Variants in ZFHX3 observed in about 807,000 individuals in gnomAD.
ZFHX3 encodes zinc finger homeobox protein 3.
Under a neutral mutation model 279.1 loss-of-function variants are expected in ZFHX3, and 42 were observed. That is an observed-to-expected ratio of 0.15 (90% CI 0.12 to 0.19). The LOEUF (loss-of-function observed/expected upper bound fraction) is 0.19. Ranked by LOEUF, ZFHX3 falls within the 10% of genes least tolerant of loss-of-function variation. The probability of loss-of-function intolerance (pLI) is 1.00; values close to 1 mark genes in which losing one functional copy is unlikely to be tolerated. For missense variants in ZFHX3, 4,981 were observed against 4,754.0 expected (o/e 1.05, Z -1.40); for synonymous variants, 2,293 against 1,957.8 (o/e 1.17, Z -4.52).
intron 3 of ZFHX3, among the ~76,000 whole-genome samples, chr16:72,923,759 C>G (rs992517343): frequency 2.0e-5 from 3 of 151,928 alleles, no homozygotes; most frequent in Non-Finnish European, 4.4e-5. Flanking sequence ...GAAGTGGGAG[C>G]TAATGAAAAA....
At chr16:72,917,669 G>GA (rs2039475304) in intron 3 of ZFHX3, among the ~76,000 whole-genome samples, 1 of 152,098 alleles carries the variant, frequency 6.6e-6, no homozygotes, top group Non-Finnish European at 1.5e-5. Context: ...TCAATTCTAC[G>GA]AAATAATAAT....
At chr16:73,088,352 C>T (rs138010058) in intron 8 of ZFHX3, among the ~76,000 whole-genome samples, 7,272 of 151,830 alleles carry the variant, frequency 0.048, 571 homozygotes, top group African/African-American at 0.16. Flanking sequence ...GGGGTTTCAC[C>T]GTGTTACCCC....
intron 2 of ZFHX3, among the ~76,000 whole-genome samples, chr16:73,661,923 T>G (rs1219262192): frequency 1.3e-5 from 2 of 152,006 alleles, no homozygotes; most frequent in Non-Finnish European, 2.9e-5. Context: ...GAAACTCAAA[T>G]CTGATTTTTT....
chr16:73,242,560 G>A (rs1241093334), intron 5 of ZFHX3, among the ~76,000 whole-genome samples: 3 of 152,144 alleles, frequency 2.0e-5, no homozygotes, highest in Non-Finnish European at 2.9e-5. Context: ...AAAGCAAAAC[G>A]GATCACAGAA....
intron 3 of ZFHX3, among the ~76,000 whole-genome samples, chr16:73,373,057 C>G (rs1329776867): frequency 6.6e-6 from 1 of 152,040 alleles, no homozygotes; most frequent in Admixed American, 6.6e-5. Flanking sequence ...GCCACTGGTC[C>G]TGAGGCTTCT....
chr16:72,844,910 A>G (rs557568408), intron 4 of ZFHX3, among the ~76,000 whole-genome samples: 1 of 152,136 alleles, frequency 6.6e-6, no homozygotes, highest in East Asian at 1.9e-4. Flanking sequence ...TGCTATTTCA[A>G]TTAAGTCCTG....
Position 73,297,014 on chromosome 16 carries a change from A to T in ZFHX3, c.-1194+21226T>A, listed in dbSNP as rs151172146. ...TGCCTCAGCCTCCCTAGTAGCTGGG[A>T]CTACAGGCGCCCACCACCCTGCCCG... is the stretch of plus-strand genomic sequence containing the variant. On this transcript the variant is annotated intron_variant, in intron 4 of 17. Transcript: ENST00000641206. 9.8e-3 allele frequency among the ~76,000 whole-genome samples: 1,487 copies of T among 151,220 alleles called. 16 individuals are homozygous for T. The highest frequency in any genetic ancestry group is 0.014 in the Non-Finnish European group (963 of 67,912).
At chr16:73,775,941 T>A (rs1048586194) in intron 1 of ZFHX3, among the ~76,000 whole-genome samples, 12 of 152,152 alleles carry the variant, frequency 7.9e-5, no homozygotes, top group Admixed American at 5.2e-4. Flanking sequence ...AGCAGCCTAG[T>A]GTGGAAAATA....
intron 1 of ZFHX3, among the ~76,000 whole-genome samples, chr16:73,810,454 T>A (rs962027290): frequency 6.6e-6 from 1 of 152,238 alleles, no homozygotes; most frequent in Non-Finnish European, 1.5e-5. Flanking sequence ...TTAAATCTAA[T>A]GATTTATTTT....
At chr16:73,724,489 G>A (rs566187318) in intron 1 of ZFHX3, among the ~76,000 whole-genome samples, 23 of 152,312 alleles carry the variant, frequency 1.5e-4, no homozygotes, top group Admixed American at 3.9e-4. Flanking sequence ...GGTGAGACTT[G>A]GGGTGCCTAG....
rs572082988 is a variant in ZFHX3 at position 73,468,685 on chromosome 16, C to T, written c.-1546-12427G>A. 6.6e-5 allele frequency among the ~76,000 whole-genome samples: 10 copies of T among 152,064 alleles called. No individual in the cohort carries two copies. In the East Asian group the frequency reaches 1.5e-3, roughly 24 times the overall value. Reference sequence around the variant, plus strand: ...CCTGGAGGCAGACATTGCAGTGAGCCGAGATTGCACCACTGCACAAAGAAA... The same window carrying T: ...CCTGGAGGCAGACATTGCAGTGAGCTGAGATTGCACCACTGCACAAAGAAA... On this transcript the variant is annotated intron_variant, in intron 2 of 17. Coordinates refer to the ZFHX3 transcript ENST00000641206.
At chr16:72,898,482 CT>C (rs1165121025) in intron 3 of ZFHX3, among the ~76,000 whole-genome samples, 1 of 152,146 alleles carries the variant, frequency 6.6e-6, no homozygotes, top group Non-Finnish European at 1.5e-5. Flanking sequence ...CATTAGTGGC[CT>C]TGAGAAAAAC....
rs550535091 is a variant in ZFHX3 at position 73,191,197 on chromosome 16, A to G, written c.-1103-47366T>C. ...TAAAAATCTGAAAATGAAACAAGAC[A>G]TATTTCTGAGGTTGTCAGCAGGTAG... On this transcript the variant is annotated intron_variant, in intron 5 of 17. Coordinates refer to the ZFHX3 transcript ENST00000641206. 4.5e-4 allele frequency among the ~76,000 whole-genome samples: 69 copies of G among 152,196 alleles called. 1 individual carries two copies. The highest frequency in any genetic ancestry group is 1.6e-3 in the African/African-American group (68 of 41,524).
chr16:73,203,708 T>C (rs886666860), intron 5 of ZFHX3, among the ~76,000 whole-genome samples: 4 of 152,228 alleles, frequency 2.6e-5, no homozygotes, highest in African/African-American at 9.6e-5. Flanking sequence ...ATGCTCATAG[T>C]AATAATACTA....
At chr16:73,359,909 T>C (rs1462012864) in intron 3 of ZFHX3, among the ~76,000 whole-genome samples, 1 of 152,168 alleles carries the variant, frequency 6.6e-6, no homozygotes, top group Non-Finnish European at 1.5e-5. Context: ...GATGGGATTT[T>C]TTTTTTAAAT....
chr16:72,880,121 G>A (rs2038424452), intron 4 of ZFHX3, among the ~76,000 whole-genome samples: 2 of 152,288 alleles, frequency 1.3e-5, no homozygotes, highest in South Asian at 4.1e-4. Context: ...AAGGCCTGGT[G>A]GGCGCTGACA....
At chr16:72,812,101 T>C (rs1176704770) in intron 5 of ZFHX3, 63 bp from the exon 6 acceptor site, 4 of 1,560,520 alleles carry the variant, frequency 2.6e-6, no homozygotes, top group Admixed American at 2.0e-5. Context: ...AGAGGGTTTG[T>C]GTTGGGTGAA....
intron 1 of ZFHX3, 49 bp from the exon 2 acceptor site, chr16:72,960,243 G>C (rs1961510254): frequency 6.9e-7 from 1 of 1,441,600 alleles, no homozygotes; most frequent in East Asian, 2.3e-5. Flanking sequence ...GAAAGAGAGA[G>C]AGAAAGGAAA....
chr16:72,962,048 G>A (rs543987302), intron 1 of ZFHX3, among the ~76,000 whole-genome samples: 54 of 152,256 alleles, frequency 3.5e-4, no homozygotes, highest in African/African-American at 1.1e-3. Context: ...TGATAGCTTG[G>A]GCCAAAAAGG....
Sources: gnomAD v4.1 joint callset for allele counts (sites outside exome capture counted in the v4.1 genomes callset) on GRCh38, gnomAD v4.1.1 for gene constraint, MANE v1.5 for transcripts, NCBI Gene and HGNC (gene_info 2026-07-23, HGNC 2026-07-21) for gene names.